Variants in TAS2R1 observed in about 807,000 individuals in gnomAD.
TAS2R1 encodes the protein taste receptor type 2 member 1.
For missense variants in TAS2R1, 370 were observed against 353.4 expected, an observed-to-expected ratio of 1.05 and a Z score of -0.38; for synonymous variants, 141 against 134.2, an observed-to-expected ratio of 1.05 and a Z score of -0.35.
the TAS2R1 span, among the ~76,000 whole-genome samples, chr5:9,838,338 G>A: frequency 6.6e-6 from 1 of 152,130 alleles, no homozygotes; most frequent in South Asian, 2.1e-4. Context: ...CAGAAGCCGA[G>A]TCTGAGAAAG....
chr5:9,732,948 T>G, the TAS2R1 span, among the ~76,000 whole-genome samples: 1 of 152,192 alleles, frequency 6.6e-6, no homozygotes, highest in Non-Finnish European at 1.5e-5. Flanking sequence ...TTTTTTCTCT[T>G]AAAGCTTTCA....
At chr5:9,710,363 G>A (rs1185336219) in intron 1 of TAS2R1, among the ~76,000 whole-genome samples, 1 of 152,234 alleles carries the variant, frequency 6.6e-6, no homozygotes, top group Non-Finnish European at 1.5e-5. Flanking sequence ...TTCATTGAGT[G>A]CCCTCCACTC....
the TAS2R1 span, among the ~76,000 whole-genome samples, chr5:9,727,912 G>A: frequency 6.6e-6 from 1 of 152,232 alleles, no homozygotes; most frequent in Non-Finnish European, 1.5e-5. Flanking sequence ...GCATGAGTAG[G>A]AAGGGGTAGA....
chr5:9,840,774 C>T, the TAS2R1 span, among the ~76,000 whole-genome samples: 1 of 151,418 alleles, frequency 6.6e-6, no homozygotes, highest in African/African-American at 2.4e-5. Context: ...TAGTAACAAA[C>T]TCTTTCAGTT....
chr5:9,759,304 A>G, the TAS2R1 span, among the ~76,000 whole-genome samples: 1 of 152,188 alleles, frequency 6.6e-6, no homozygotes, highest in Non-Finnish European at 1.5e-5. Flanking sequence ...TGCACTCAAC[A>G]CTCTGGAAAT....
intron 1 of TAS2R1, among the ~76,000 whole-genome samples, chr5:9,688,982 C>T (rs532331237): frequency 5.0e-4 from 76 of 152,100 alleles, no homozygotes; most frequent in Non-Finnish European, 1.0e-3. Context: ...TAGGCAGAGA[C>T]GGCCCCGACC....
chr5:9,896,490 G>T, the TAS2R1 span, among the ~76,000 whole-genome samples: 1 of 151,990 alleles, frequency 6.6e-6, no homozygotes, highest in South Asian at 2.1e-4. Context: ...TGCGAGCCTT[G>T]TCTCTGTTAC....
At chr5:9,652,031 G>C (rs1740316435) in intron 2 of TAS2R1, among the ~76,000 whole-genome samples, 1 of 152,168 alleles carries the variant, frequency 6.6e-6, no homozygotes. Flanking sequence ...GAGGTCTGTT[G>C]CTGAGGTAAT....
At chr5:9,673,212 G>A (rs907542865) in intron 1 of TAS2R1, among the ~76,000 whole-genome samples, 16 of 151,922 alleles carry the variant, frequency 1.1e-4, no homozygotes, top group African/African-American at 3.9e-4. Context: ...TATTACCTGG[G>A]TGATGAAATA....
At chr5:9,893,555 T>A in the TAS2R1 span, among the ~76,000 whole-genome samples, 1 of 152,216 alleles carries the variant, frequency 6.6e-6, no homozygotes, top group African/African-American at 2.4e-5. Context: ...AAATTTTTTT[T>A]AAGTTAGTAA....
At chr5:9,807,935 TA>T in the TAS2R1 span, among the ~76,000 whole-genome samples, 119,511 of 151,478 alleles carry the variant, frequency 0.79, 47,325 homozygotes, top group East Asian at 0.88. Flanking sequence ...TATTAGAACA[TA>T]AAAAAAAAAG....
chr5:9,697,663 A>T (rs1052601599), intron 1 of TAS2R1, among the ~76,000 whole-genome samples: 1 of 152,170 alleles, frequency 6.6e-6, no homozygotes, highest in African/African-American at 2.4e-5. Context: ...AAAACTAAGA[A>T]TCCTTCTATT....
chr5:9,717,053 A>G (rs1734827400), upstream of TAS2R1, among the ~76,000 whole-genome samples: 1 of 152,152 alleles, frequency 6.6e-6, no homozygotes, highest in Admixed American at 6.5e-5. Flanking sequence ...GGATGCAGAG[A>G]GCAGAGAGGG....
At chr5:9,899,213 A>G in the TAS2R1 span, among the ~76,000 whole-genome samples, 2 of 152,174 alleles carry the variant, frequency 1.3e-5, no homozygotes, top group African/African-American at 4.8e-5. Flanking sequence ...CCACCAGAGG[A>G]GTTCAGAGGG....
chr5:9,697,582 G>T (rs185370366), intron 1 of TAS2R1, among the ~76,000 whole-genome samples: 9 of 152,194 alleles, frequency 5.9e-5, no homozygotes, highest in Non-Finnish European at 8.8e-5. Flanking sequence ...AAGAATTATT[G>T]ATCCTATTAA....
chr5:9,662,799 A>T (rs1261575327), intron 1 of TAS2R1, among the ~76,000 whole-genome samples: 1 of 152,252 alleles, frequency 6.6e-6, no homozygotes, highest in Admixed American at 6.5e-5. Flanking sequence ...CATTTCCGTA[A>T]GAAATTTTGT....
the TAS2R1 span, among the ~76,000 whole-genome samples, chr5:9,849,228 T>C: frequency 6.6e-6 from 1 of 152,174 alleles, no homozygotes; most frequent in South Asian, 2.1e-4. Flanking sequence ...CAAGCAAGTC[T>C]AACCCAGTGG....
the TAS2R1 span, among the ~76,000 whole-genome samples, chr5:9,881,784 C>T: frequency 6.6e-6 from 1 of 152,152 alleles, no homozygotes; most frequent in Non-Finnish European, 1.5e-5. Flanking sequence ...ATAAATGATG[C>T]TGGGAGAACT....
rs532754699 is a variant in TAS2R1, at chr5:9,691,652, C to T, written c.-242+20520G>A. Among the ~76,000 whole-genome samples, 3 of 152,326 alleles carry T rather than the reference C, an allele frequency of 2.0e-5. No homozygotes were observed. The East Asian group carries it at 5.8e-4, about 29-fold the overall frequency. On this transcript the variant is annotated intron_variant, in intron 1 of 2. Coordinates refer to the TAS2R1 transcript ENST00000506620. ...GAAGACTGAAGAAGTGAAGCAAAAG[C>T]ATCTTCTAAAATGGCCAGGCTGGGG...
Sources: allele counts gnomAD v4.1 joint callset (sites outside exome capture counted in the v4.1 genomes callset), GRCh38; gene constraint gnomAD v4.1.1; transcripts MANE v1.5; gene names NCBI Gene and HGNC (gene_info 2026-07-23, HGNC 2026-07-21).